Variants in ARHGAP9 observed in about 807,000 individuals in gnomAD.
ARHGAP9 encodes Rho GTPase activating protein 9, also known as rho GTPase-activating protein 9.
ARHGAP9 carries 76 observed loss-of-function variants against 87.3 expected under a neutral mutation model. The ratio of observed to expected loss-of-function variants is 0.87; its 90% confidence interval spans 0.72 to 1.05. The LOEUF (loss-of-function observed/expected upper bound fraction) is 1.05. Among genes scored for constraint, ARHGAP9 ranks in the 50% least tolerant of loss-of-function variants. ARHGAP9 has a pLI of 0.00. For synonymous variants in ARHGAP9, 382 were observed against 394.9 expected (o/e 0.97, Z 0.39); for missense variants, 941 against 960.5 (o/e 0.98, Z 0.27).
chr12:57,481,738 A>G (rs1187309507), upstream of ARHGAP9, among the ~76,000 whole-genome samples: 1 of 152,160 alleles, frequency 6.6e-6, no homozygotes, highest in East Asian at 1.9e-4. Context: ...AGCAGGCAAC[A>G]CAATTGACCT....
intron 9 of ARHGAP9, 25 bp from the exon 10 acceptor site, chr12:57,475,956 C>T (rs370638176): frequency 1.7e-5 from 28 of 1,602,258 alleles, no homozygotes; most frequent in East Asian, 2.3e-5. Context: ...AGGAAACGCT[C>T]GGGTCAACGG....
Position 57,478,705 on chromosome 12 carries a change from G to A in ARHGAP9, c.369C>T (p.Ser123=). 1 of 1,613,988 alleles carries A rather than the reference G, an allele frequency of 6.2e-7. No homozygotes were observed. Among genetic ancestry groups the A allele is most frequent in the Non-Finnish European group, 8.5e-7 (1 of 1,179,896 alleles). ...SLEELSQALP[S]RAQASSEQPP... ...GCTGCTCCGAGCTAGCCTGAGCCCTGCTTGGGAGGGCCTGAGACAACTCCT... is the reference window on the plus strand; with the variant it reads ...GCTGCTCCGAGCTAGCCTGAGCCCTACTTGGGAGGGCCTGAGACAACTCCT... The change falls in exon 3 of 18, where the codon AGC becomes AGT. Residue 123 remains serine (S), a synonymous_variant. Transcript: ENST00000393791.
At chr12:57,480,397 G>A (rs951130597), upstream of ARHGAP9, among the ~76,000 whole-genome samples, 1 of 152,018 alleles carries the variant, frequency 6.6e-6, no homozygotes, top group Non-Finnish European at 1.5e-5. Context: ...GGCCAGGCTG[G>A]TCTAGAACTC....
Position 57,475,491 on chromosome 12 carries a change from C to T in ARHGAP9, c.1436G>A (p.Arg479Gln), listed in dbSNP as rs746906711. Residue 479 changes from arginine (R) to glutamine (Q), a missense_variant, in exon 11 of 18, where the codon CGG (arginine) becomes CAG (glutamine). Coordinates refer to ENST00000393791, the MANE Select transcript of ARHGAP9 (RefSeq NM_032496.4). Reference sequence around the variant, plus strand: ...CCCAGCCCGCGCCTCACTGGAGCTCCGGCGGCTGCTGAGGCGCAGCAGCGG... The same window carrying T: ...CCCAGCCCGCGCCTCACTGGAGCTCTGGCGGCTGCTGAGGCGCAGCAGCGG... ...SKPLLRLSSR[R>Q]SSIRGPEGTE... is the part of the protein sequence containing the mutation. 4.5e-5 allele frequency: 72 copies of T among 1,601,112 alleles called. 1 individual carries two copies. In the Middle Eastern group the frequency reaches 5.1e-4, roughly 11 times the overall value.
At chr12:57,472,717 T>C (rs750708172) in intron 17 of ARHGAP9, 29 bp from the exon 18 acceptor site, 6 of 1,612,444 alleles carry the variant, frequency 3.7e-6, no homozygotes, top group Non-Finnish European at 5.1e-6. Flanking sequence ...GAAGGGGATA[T>C]ATGGCAGCAG....
At chr12:57,483,803 G>A (rs1875199160), upstream of ARHGAP9, 1 of 415,604 alleles carries the variant, frequency 2.4e-6, no homozygotes, top group African/African-American at 2.1e-5. Flanking sequence ...ACCTTGGGAG[G>A]CTGAGGCGGG....
rs1872194917 is a variant in ARHGAP9, at chr12:57,472,607, C to G, written c.2106G>C (p.Glu702Asp). The change falls in exon 18 of 18, where the codon GAG becomes GAC. Residue 702 changes from glutamate to aspartate, a missense_variant. Transcript: ENST00000393791. ...IVFGPTLFRP[E>D]QETSDPAAHA... ...GGGCTGCTGGGTCAGATGTCTCCTG[C>G]TCTGGCCGAAACAGGGTTGGTCCAA... The G allele has an allele frequency of 6.2e-7, 1 of 1,614,118 alleles. No homozygotes were observed. The highest frequency in any genetic ancestry group is 2.2e-5 in the East Asian group (1 of 44,902).
chr12:57,482,765 G>A (rs944336130), upstream of ARHGAP9, among the ~76,000 whole-genome samples: 2 of 151,906 alleles, frequency 1.3e-5, no homozygotes, highest in Middle Eastern at 3.4e-3. Context: ...CATATATGCC[G>A]GGCAGGAACT....
chr12:57,474,823 T>C (rs1872982814), intron 13 of ARHGAP9, 52 bp downstream of exon 13: 3 of 1,611,166 alleles, frequency 1.9e-6, no homozygotes, highest in African/African-American at 2.7e-5. Context: ...AGGCAGAAAA[T>C]TCTAGGCCTT....
chr12:57,487,828 G>A, intron 1 of ARHGAP9: 2 of 461,348 alleles, frequency 4.3e-6, no homozygotes, highest in East Asian at 7.8e-5. Flanking sequence ...CAGCCCAGGT[G>A]ACAGAGGGAG....
upstream of ARHGAP9, among the ~76,000 whole-genome samples, chr12:57,484,854 C>A (rs1225419371): frequency 6.6e-6 from 1 of 151,918 alleles, no homozygotes; most frequent in Non-Finnish European, 1.5e-5. Context: ...CTATGTTGGC[C>A]AGGATGGTCT....
chr12:57,479,401 T>G lies in ARHGAP9; in HGVS notation c.6A>C (p.Leu2=). ...AGGAACTTGGCCACCACCGGCTGGA[T>G]AGCATTGTAGCCAGCACTGTCACCT... M[L]SSRWWPSSWG... Residue 2 remains leucine, a synonymous_variant, in exon 2 of 18, where the codon CTA becomes CTC. Transcript: ENST00000393791. 1.9e-6 allele frequency: 3 copies of G among 1,612,594 alleles called. No homozygotes were observed. The highest frequency in any genetic ancestry group is 2.5e-6 in the Non-Finnish European group (3 of 1,179,490).
At position 57,472,513 on chromosome 12, in the gene ARHGAP9, T is replaced by C; in HGVS notation, c.*4A>G. On this transcript the variant is annotated 3_prime_UTR_variant, in exon 18 of 18. Coordinates refer to ENST00000393791, the MANE Select transcript of ARHGAP9 (RefSeq NM_032496.4). ...AATATGTTTTCTCTTCTTCCTTCCC[T>C]GCATCAGGGGAAGAGGCTGGTGAAG... The C allele has an allele frequency of 6.2e-7, 1 of 1,613,802 alleles. No homozygotes were observed. Among genetic ancestry groups the C allele is most frequent in the Non-Finnish European group, 8.5e-7 (1 of 1,179,744 alleles).
Position 57,477,151 on chromosome 12 carries a change from C to T in ARHGAP9, c.870+5G>A, listed in dbSNP as rs1429029497. 5.0e-6 allele frequency: 8 copies of T among 1,613,326 alleles called. No individual in the cohort carries two copies. Among genetic ancestry groups the T allele is most frequent in the Non-Finnish European group, 6.8e-6 (8 of 1,179,586 alleles). ...CATGTGACTGGGAGATGGGAGGGAT[C>T]TCACCTGTGGGTCAAGCGGTTCTGG... On this transcript the variant is annotated splice_donor_5th_base_variant and intron_variant, in intron 5 of 17. Transcript: ENST00000393791.
In ARHGAP9 at chr12:57,472,691, G is replaced by A. The variant is rs1434773715; in HGVS notation, c.2025-3C>T. Reference sequence around the variant, plus strand: ...TCTTATCTGAGTGTGCTATCACCCTGTAAGCAAAGGCCAAGGAAGGGGATA... The same window carrying A: ...TCTTATCTGAGTGTGCTATCACCCTATAAGCAAAGGCCAAGGAAGGGGATA... On this transcript the variant is annotated splice_region_variant and splice_polypyrimidine_tract_variant and intron_variant, in intron 17 of 17. Coordinates refer to ENST00000393791, the MANE Select transcript of ARHGAP9 (RefSeq NM_032496.4). 6.2e-7 allele frequency: 1 copy of A among 1,614,172 alleles called. No homozygotes were observed. Among genetic ancestry groups the A allele is most frequent in the Non-Finnish European group, 8.5e-7 (1 of 1,180,018 alleles).
At chr12:57,474,590 T>C (rs763835138) in intron 14 of ARHGAP9, 36 bp downstream of exon 14, 3 of 1,613,842 alleles carry the variant, frequency 1.9e-6, no homozygotes, top group South Asian at 1.1e-5. Flanking sequence ...AGGCAAGACA[T>C]TCTTAGTACA....
chr12:57,473,537 G>T, intron 17 of ARHGAP9, 66 bp downstream of exon 17: 1 of 1,447,998 alleles, frequency 6.9e-7, no homozygotes, highest in Non-Finnish European at 9.7e-7. Flanking sequence ...CACCTGCACA[G>T]AGTCCCTGTG....
rs200115946 is a variant in ARHGAP9 at position 57,472,561 on chromosome 12, G to C, written c.2152C>G (p.Leu718Val). ...PAAHALYPGQ[L>V]VQLMLTNFTS... ...AAGTTGGTGAGCATCAGCTGGACCA[G>C]CTGCCCTGGGTAGAGAGCATGGGCT... Residue 718 changes from leucine to valine, a missense_variant, in exon 18 of 18, where the codon CTG (leucine) becomes GTG (valine). Leu to Val is a conservative substitution (Grantham distance 32, BLOSUM62 1). Transcript: ENST00000393791. The C allele has an allele frequency of 1.9e-5, 30 of 1,614,232 alleles. No homozygotes were observed. In the East Asian group the frequency reaches 4.9e-4, roughly 26 times the overall value.
At chr12:57,486,547 G>A (rs1336662864) in intron 1 of ARHGAP9, among the ~76,000 whole-genome samples, 3 of 150,482 alleles carry the variant, frequency 2.0e-5, no homozygotes, top group Non-Finnish European at 4.4e-5. Context: ...TGGGGTTACA[G>A]GCGTGAGCCA....
Sources: gnomAD v4.1 joint callset for allele counts (sites outside exome capture counted in the v4.1 genomes callset) on GRCh38, gnomAD v4.1.1 for gene constraint, MANE v1.5 for transcripts, NCBI Gene and HGNC (gene_info 2026-07-23, HGNC 2026-07-21) for gene names.